The following SLC24A4 variants were observed in gnomAD, a reference collection of about 807,000 sequenced individuals.
SLC24A4 encodes solute carrier family 24 member 4.
SLC24A4 carries 53 observed loss-of-function variants against 79.0 expected under a neutral mutation model. The observed-to-expected ratio is 0.67, with a 90% confidence interval of 0.54 to 0.84. SLC24A4 has a LOEUF of 0.84. SLC24A4 is among the 40% of genes least tolerant of loss of function. The pLI is 0.00. For synonymous variants in SLC24A4, 323 were observed against 323.8 expected (o/e 1.00, Z 0.03); for missense variants, 731 against 822.0 (o/e 0.89, Z 1.35).
At chr14:92,381,547 C>T (rs185159009) in intron 2 of SLC24A4, among the ~76,000 whole-genome samples, 1 of 151,992 alleles carries the variant, frequency 6.6e-6, no homozygotes, top group Non-Finnish European at 1.5e-5. Context: ...TGTATACCTA[C>T]GTAACAAACC....
chr14:92,442,400 ATTG>A (rs1892548684), intron 5 of SLC24A4, among the ~76,000 whole-genome samples: 1 of 152,228 alleles, frequency 6.6e-6, no homozygotes, highest in Non-Finnish European at 1.5e-5. Context: ...CTAAAATTAG[ATTG>A]TGGTTTTGGT....
At chr14:92,378,033 A>C (rs543245907) in intron 2 of SLC24A4, among the ~76,000 whole-genome samples, 3 of 152,256 alleles carry the variant, frequency 2.0e-5, no homozygotes, top group African/African-American at 7.2e-5. Context: ...TTTGTCTAGC[A>C]CGGGATTGGT....
At chr14:92,347,417 A>T (rs1886602193) in intron 2 of SLC24A4, among the ~76,000 whole-genome samples, 1 of 152,212 alleles carries the variant, frequency 6.6e-6, no homozygotes. Context: ...GGAAGGGATG[A>T]TGCATTTTAT....
At position 92,500,419 on chromosome 14, in the gene SLC24A4, G is replaced by A. The variant is rs770283372; in HGVS notation, c.*6791G>A. On this transcript the variant is annotated 3_prime_UTR_variant, in exon 17 of 17. Transcript: ENST00000532405. ...TTTCCCAAGTCCATTCAGGACAGAC[G>A]CGCAGTCCTCTTTCAATGGAAGAAG... is the stretch of plus-strand genomic sequence containing the variant. 3.3e-5 allele frequency: 5 copies of A among 152,216 alleles called. No homozygotes were observed. Among genetic ancestry groups the A allele is most frequent in the Non-Finnish European group, 7.3e-5 (5 of 68,054 alleles). The allele number at this position is 152,216 out of a possible 1,614,324, so 9.4% of individuals were successfully genotyped here.
chr14:92,409,083 T>C (rs923325570), intron 2 of SLC24A4, among the ~76,000 whole-genome samples: 6 of 152,178 alleles, frequency 3.9e-5, no homozygotes, highest in Non-Finnish European at 7.3e-5. Context: ...GAGGTGGGAC[T>C]GGGTCAGGAC....
At chr14:92,444,672 T>C (rs1400731365) in intron 7 of SLC24A4, among the ~76,000 whole-genome samples, 1 of 152,126 alleles carries the variant, frequency 6.6e-6, no homozygotes, top group Non-Finnish European at 1.5e-5. Flanking sequence ...CTGGCCAACA[T>C]GGTGAAACCT....
intron 16 of SLC24A4, among the ~76,000 whole-genome samples, chr14:92,493,109 C>T (rs1895787925): frequency 1.3e-5 from 2 of 151,984 alleles, no homozygotes; most frequent in South Asian, 4.2e-4. Flanking sequence ...CGCTCTGAAG[C>T]ACAGGGGTCA....
chr14:92,484,479 C>A, intron 13 of SLC24A4: 2 of 985,370 alleles, frequency 2.0e-6, no homozygotes, highest in Non-Finnish European at 2.4e-6. Context: ...AGGACGGACT[C>A]TGTGACTCCT....
chr14:92,368,408 C>T (rs1043003865), intron 2 of SLC24A4, among the ~76,000 whole-genome samples: 15 of 151,698 alleles, frequency 9.9e-5, no homozygotes, highest in Non-Finnish European at 2.1e-4. Context: ...TTTTTTTTTC[C>T]TATCAGTCTT....
intron 9 of SLC24A4, among the ~76,000 whole-genome samples, chr14:92,447,920 G>A (rs1025165662): frequency 1.2e-4 from 19 of 152,160 alleles, no homozygotes; most frequent in Non-Finnish European, 2.4e-4. Context: ...ATGCCACCTT[G>A]AGCCCCTCGA....
At chr14:92,352,216 C>T (rs1196338631) in intron 2 of SLC24A4, among the ~76,000 whole-genome samples, 2 of 152,078 alleles carry the variant, frequency 1.3e-5, no homozygotes, top group African/African-American at 4.8e-5. Flanking sequence ...GGGAGGCAAT[C>T]AGCATAGAAT....
chr14:92,330,795 G>A (rs966585150), intron 2 of SLC24A4, among the ~76,000 whole-genome samples: 1 of 152,092 alleles, frequency 6.6e-6, no homozygotes, highest in African/African-American at 2.4e-5. Flanking sequence ...CCATCATGGG[G>A]GCCATACCCT....
chr14:92,379,854 C>T (rs1409444558), intron 2 of SLC24A4, among the ~76,000 whole-genome samples: 5 of 152,208 alleles, frequency 3.3e-5, no homozygotes, highest in Admixed American at 6.5e-5. Flanking sequence ...CTTCCTACCA[C>T]GCCTGGGGCT....
intron 12 of SLC24A4, among the ~76,000 whole-genome samples, chr14:92,472,132 C>G (rs1443468476): frequency 1.3e-5 from 2 of 152,210 alleles, no homozygotes; most frequent in Non-Finnish European, 2.9e-5. Context: ...ACTGCTTCCT[C>G]CATCTGGCTC....
At chr14:92,355,927 G>T (rs73333721) in intron 2 of SLC24A4, among the ~76,000 whole-genome samples, 5,019 of 152,260 alleles carry the variant, frequency 0.033, 122 homozygotes, top group African/African-American at 0.073. Context: ...AGGTCTGAGG[G>T]CTGAGCTGAA....
chr14:92,395,434 C>CA (rs1889711608), intron 2 of SLC24A4, among the ~76,000 whole-genome samples: 1 of 122,844 alleles, frequency 8.1e-6, no homozygotes, highest in African/African-American at 4.3e-5. Context: ...CAAAACAAAA[C>CA]ACACACACAC....
At chr14:92,418,703 G>T (rs1891116716) in intron 2 of SLC24A4, among the ~76,000 whole-genome samples, 1 of 151,878 alleles carries the variant, frequency 6.6e-6, no homozygotes, top group Non-Finnish European at 1.5e-5. Flanking sequence ...GATTTGTTTT[G>T]TTTTTTGTTT....
chr14:92,343,580 T>TTTTATTTC (rs1354145614), intron 2 of SLC24A4, among the ~76,000 whole-genome samples: 4 of 85,106 alleles, frequency 4.7e-5, no homozygotes, highest in African/African-American at 1.7e-4. Context: ...TTAATTACTG[T>TTTTATTTC]TTTCTTTCTT....
chr14:92,380,930 T>G (rs971773206), intron 2 of SLC24A4, among the ~76,000 whole-genome samples: 1 of 152,164 alleles, frequency 6.6e-6, no homozygotes, highest in East Asian at 1.9e-4. Flanking sequence ...GAATGTACTC[T>G]TCCTTTTGGG....
Sources: gnomAD v4.1 joint callset for allele counts (sites outside exome capture counted in the v4.1 genomes callset) on GRCh38, gnomAD v4.1.1 for gene constraint, MANE v1.5 for transcripts, NCBI Gene and HGNC (gene_info 2026-07-23, HGNC 2026-07-21) for gene names.